Variants in ITGAV observed in about 807,000 individuals in gnomAD.
ITGAV encodes the protein integrin subunit alpha V, also known as integrin alpha-V.
ITGAV carries 76 observed loss-of-function variants against 143.8 expected under a neutral mutation model. The ratio of observed to expected loss-of-function variants is 0.53; its 90% CI spans 0.44 to 0.64. The LOEUF is 0.64. ITGAV is among the 30% of genes least tolerant of loss of function. ITGAV has a pLI of 0.00. For synonymous variants in ITGAV, 453 were observed against 446.7 expected, an observed-to-expected ratio of 1.01 and a Z score of -0.18; for missense variants, 1,193 against 1,274.7, an observed-to-expected ratio of 0.94 and a Z score of 0.98.
chr2:186,662,507 G>A (rs1005776069), intron 18 of ITGAV, among the ~76,000 whole-genome samples: 4 of 152,102 alleles, frequency 2.6e-5, no homozygotes, highest in East Asian at 1.9e-4. Flanking sequence ...TTAATTTAAC[G>A]TTAAAAGCTG....
chr2:186,649,523 C>T (rs545666498), intron 13 of ITGAV, among the ~76,000 whole-genome samples: 10 of 152,124 alleles, frequency 6.6e-5, no homozygotes, highest in East Asian at 3.9e-4. Context: ...AATCCACAGG[C>T]GTCTATAAAG....
chr2:186,598,860 A>G (rs1256124092), intron 1 of ITGAV, among the ~76,000 whole-genome samples: 5 of 152,182 alleles, frequency 3.3e-5, no homozygotes, highest in Admixed American at 3.3e-4. Flanking sequence ...ATGGAGCTCT[A>G]TTAAATAGGG....
At chr2:186,632,329 T>C (rs1004304289) in intron 5 of ITGAV, among the ~76,000 whole-genome samples, 2 of 152,172 alleles carry the variant, frequency 1.3e-5, no homozygotes, top group African/African-American at 4.8e-5. Flanking sequence ...AGTACTCTCA[T>C]ACTGTGAAAG....
Position 186,652,108 on chromosome 2 carries a change from T to C in ITGAV, c.1505+19T>C. On this transcript the variant is annotated intron_variant, in intron 15 of 29. Coordinates refer to ENST00000261023, the MANE Select transcript of ITGAV (RefSeq NM_002210.5). ...TTTCCTGGTAAGGGTATTTGTTTAA[T>C]AATAGTTATTATTGTGATTATTGTT... The C allele has an allele frequency of 7.3e-7, 1 of 1,376,180 alleles. No homozygotes were observed. Among genetic ancestry groups the C allele is most frequent in the Non-Finnish European group, 1.0e-6 (1 of 966,380 alleles). 85.2% of individuals were successfully genotyped at this position (1,376,180 alleles called of 1,614,324 possible).
intron 3 of ITGAV, among the ~76,000 whole-genome samples, chr2:186,623,900 C>T (rs1687603560): frequency 6.6e-6 from 1 of 152,148 alleles, no homozygotes; most frequent in Non-Finnish European, 1.5e-5. Flanking sequence ...TGCAACGGCT[C>T]TTCTCATCCT....
chr2:186,594,343 C>A (rs923981609), intron 1 of ITGAV, among the ~76,000 whole-genome samples: 3 of 152,162 alleles, frequency 2.0e-5, no homozygotes, highest in Admixed American at 6.6e-5. Context: ...TCCTCCCTCT[C>A]ATGTTCTATT....
Position 186,663,647 on chromosome 2 carries a change from T to C in ITGAV, c.1858-121T>C, listed in dbSNP as rs571827648. 1.7e-5 allele frequency: 11 copies of C among 636,000 alleles called. No individual in the cohort carries two copies. In the African/African-American group the frequency reaches 2.0e-4, roughly 12 times the overall value. 39.4% of individuals were successfully genotyped at this position (636,000 alleles called of 1,614,324 possible). The stretch of plus-strand genomic sequence containing the variant: ...TTCAGGTATACAACAAACAAGCTGA[T>C]GAGTATCTGAAAATATATACATGTG... On this transcript the variant is annotated intron_variant, in intron 18 of 29. Transcript: ENST00000261023.
intron 2 of ITGAV, among the ~76,000 whole-genome samples, chr2:186,611,688 G>A (rs1378785146): frequency 1.3e-5 from 2 of 152,062 alleles, no homozygotes; most frequent in South Asian, 2.1e-4. Flanking sequence ...TAACTGTGAC[G>A]TTGGGCAAGC....
intron 2 of ITGAV, among the ~76,000 whole-genome samples, chr2:186,610,091 A>C (rs888989061): frequency 2.6e-4 from 40 of 152,124 alleles, no homozygotes; most frequent in Non-Finnish European, 5.1e-4. Context: ...CCGTCTTATT[A>C]ATTTTCCTAG....
intron 6 of ITGAV, among the ~76,000 whole-genome samples, chr2:186,633,594 A>G (rs1174360568): frequency 6.6e-6 from 1 of 151,052 alleles, no homozygotes; most frequent in African/African-American, 2.4e-5. Context: ...TGAATATTTA[A>G]AAAGTAAATA....
chr2:186,648,847 C>G (rs1340615164), intron 13 of ITGAV, among the ~76,000 whole-genome samples: 1 of 151,080 alleles, frequency 6.6e-6, no homozygotes, highest in African/African-American at 2.4e-5. Flanking sequence ...TACTAATAAT[C>G]TAATGTATAG....
chr2:186,646,005 G>A (rs1339391444), intron 12 of ITGAV, among the ~76,000 whole-genome samples: 18 of 151,890 alleles, frequency 1.2e-4, no homozygotes, highest in Admixed American at 1.2e-3. Flanking sequence ...AAGAAAAAAA[G>A]GCTGTTTAAG....
chr2:186,674,059 G>A (rs763239964), intron 26 of ITGAV, among the ~76,000 whole-genome samples: 2 of 151,990 alleles, frequency 1.3e-5, no homozygotes, highest in African/African-American at 4.8e-5. Context: ...CTGCAACCTC[G>A]AAATCCTGGG....
chr2:186,658,135 T>C lies in ITGAV; in HGVS notation c.1720-903T>C, dbSNP rs138390051. ...TGTAAAAAAAGATACATAAACCAAG[T>C]TGGATTTATCCTAGAGTGGGTTAAT... On this transcript the variant is annotated intron_variant, in intron 17 of 29. Transcript: ENST00000261023. Among the ~76,000 whole-genome samples, 6 of 152,290 alleles carry C rather than the reference T, an allele frequency of 3.9e-5. No homozygotes were observed. The East Asian group carries it at 5.8e-4, about 15-fold the overall frequency.
intron 2 of ITGAV, among the ~76,000 whole-genome samples, chr2:186,615,448 G>A (rs902417942): frequency 2.6e-5 from 4 of 152,024 alleles, no homozygotes; most frequent in African/African-American, 4.8e-5. Flanking sequence ...CAGTGTCTCC[G>A]TATCCTTGTG....
rs34521209 is a variant in ITGAV at position 186,668,190 on chromosome 2, A to ATGTG, written c.2433+415_2433+416insGTGT. Among the ~76,000 whole-genome samples the ATGTG allele has an allele frequency of 7.1e-3, 128 of 18,142 alleles. 3 individuals carry two copies. The Middle Eastern group carries it at 0.19, about 27-fold the overall frequency. The allele number at this position is 18,142 out of a possible 152,430, so 11.9% of individuals were successfully genotyped here. On this transcript the variant is annotated intron_variant, in intron 24 of 29. Transcript: ENST00000261023. Reference sequence around the variant, plus strand: ...CTTTTGTTTATACATACATACATATATATATATATATATATATATATATAT... The same window carrying ATGTG: ...CTTTTGTTTATACATACATACATATATGTGTATATATATATATATATATATATAT...
At chr2:186,653,452 A>ATG (rs2105729019) in intron 15 of ITGAV, among the ~76,000 whole-genome samples, 1 of 152,270 alleles carries the variant, frequency 6.6e-6, no homozygotes, top group African/African-American at 2.4e-5. Context: ...CAAGGAGAAA[A>ATG]TGATTGGTGC....
At chr2:186,653,250 T>C (rs1259852414) in intron 15 of ITGAV, among the ~76,000 whole-genome samples, 1 of 152,188 alleles carries the variant, frequency 6.6e-6, no homozygotes, top group African/African-American at 2.4e-5. Context: ...CGTGCTTTAC[T>C]TCACAGTATT....
chr2:186,670,333 C>T (rs1689030472), intron 26 of ITGAV, among the ~76,000 whole-genome samples: 1 of 152,078 alleles, frequency 6.6e-6, no homozygotes, highest in African/African-American at 2.4e-5. Context: ...CAGAGCCTCA[C>T]TTTGTCACCC....
Sources: gnomAD v4.1 joint callset for allele counts (sites outside exome capture counted in the v4.1 genomes callset) on GRCh38, gnomAD v4.1.1 for gene constraint, MANE v1.5 for transcripts, NCBI Gene and HGNC (gene_info 2026-07-23, HGNC 2026-07-21) for gene names.